The following ITGBL1 variants were observed in gnomAD, a reference collection of about 807,000 sequenced individuals.
The protein encoded by ITGBL1 is integrin beta-like protein 1.
Under a neutral mutation model 68.5 loss-of-function variants are expected in ITGBL1, and 51 were observed. The ratio of observed to expected loss-of-function variants is 0.74; its 90% CI spans 0.59 to 0.94. The LOEUF is 0.94. Among genes scored for constraint, ITGBL1 ranks in the 40% least tolerant of loss-of-function variants. ITGBL1 has a pLI of 0.00. For synonymous variants in ITGBL1, 209 were observed against 227.3 expected (o/e 0.92, Z 0.72); for missense variants, 649 against 647.4 (o/e 1.00, Z -0.03).
At chr13:101,679,464 G>A (rs1269728165) in intron 7 of ITGBL1, among the ~76,000 whole-genome samples, 3 of 152,160 alleles carry the variant, frequency 2.0e-5, no homozygotes, top group African/African-American at 4.8e-5. Context: ...GGCACTGCCT[G>A]ATGACCAATC....
At chr13:101,565,660 A>C (rs12585519) in intron 2 of ITGBL1, among the ~76,000 whole-genome samples, 16,920 of 152,158 alleles carry the variant, frequency 0.11, 1,605 homozygotes, top group African/African-American at 0.26. Flanking sequence ...AAGCTAAAAA[A>C]ATTAAAAATA....
intron 7 of ITGBL1, among the ~76,000 whole-genome samples, chr13:101,633,826 G>A (rs530894701): frequency 6.6e-6 from 1 of 152,166 alleles, no homozygotes; most frequent in East Asian, 1.9e-4. Context: ...TCAGGTATTG[G>A]GATAGGCTGA....
chr13:101,608,322 A>C (rs115626454), intron 7 of ITGBL1, among the ~76,000 whole-genome samples: 8 of 150,240 alleles, frequency 5.3e-5, no homozygotes, highest in African/African-American at 2.0e-4. Flanking sequence ...CCCATCTTTA[A>C]TTTCCTGTTT....
chr13:101,591,271 G>A (rs1294960129), intron 6 of ITGBL1, among the ~76,000 whole-genome samples: 1 of 152,162 alleles, frequency 6.6e-6, no homozygotes, highest in African/African-American at 2.4e-5. Context: ...AAATATAATT[G>A]TTAATAAGCA....
chr13:101,651,106 A>C (rs2032736515), intron 7 of ITGBL1, among the ~76,000 whole-genome samples: 1 of 152,188 alleles, frequency 6.6e-6, no homozygotes, highest in Non-Finnish European at 1.5e-5. Flanking sequence ...TACAGTGAAC[A>C]TATCCATGCA....
chr13:101,459,248 C>T (rs377398533), intron 2 of ITGBL1, among the ~76,000 whole-genome samples: 9 of 152,118 alleles, frequency 5.9e-5, no homozygotes, highest in Admixed American at 1.3e-4. Flanking sequence ...GAATTGTTAA[C>T]GTGGGTTAAC....
chr13:101,532,050 AT>A (rs1250748410), intron 2 of ITGBL1, among the ~76,000 whole-genome samples: 4 of 151,996 alleles, frequency 2.6e-5, no homozygotes. Context: ...ATACTTTTTA[AT>A]TTACTCTCCA....
intron 2 of ITGBL1, among the ~76,000 whole-genome samples, chr13:101,462,373 G>T (rs1444490703): frequency 6.6e-6 from 1 of 152,130 alleles, no homozygotes. Flanking sequence ...AGGAGCAAGG[G>T]TATGGCTATC....
chr13:101,707,558 G>A (rs907488355), intron 9 of ITGBL1, among the ~76,000 whole-genome samples: 16 of 152,220 alleles, frequency 1.1e-4, no homozygotes, highest in East Asian at 1.9e-4. Context: ...GTAATTGTTC[G>A]GTTGGGCACC....
At chr13:101,596,459 T>C (rs2029974881) in intron 6 of ITGBL1, among the ~76,000 whole-genome samples, 1 of 114,574 alleles carries the variant, frequency 8.7e-6, no homozygotes, top group Non-Finnish European at 1.8e-5. Flanking sequence ...CAAAGTTAAC[T>C]GTGTGAGGTG....
At chr13:101,464,491 A>G (rs927386083) in intron 2 of ITGBL1, among the ~76,000 whole-genome samples, 4 of 151,916 alleles carry the variant, frequency 2.6e-5, no homozygotes, top group Admixed American at 6.6e-5. Flanking sequence ...TATTATGTAT[A>G]TGTATACATA....
At position 101,715,551 on chromosome 13, in the gene ITGBL1, A is replaced by G. The variant is rs758498453; in HGVS notation, c.1394-12A>G. 1 of 1,588,312 alleles carries G rather than the reference A, an allele frequency of 6.3e-7. No individual in the cohort carries two copies. The highest frequency in any genetic ancestry group is 8.6e-7 in the Non-Finnish European group (1 of 1,156,614). On this transcript the variant is annotated splice_polypyrimidine_tract_variant and intron_variant, in intron 10 of 10. Coordinates refer to ENST00000376180, the MANE Select transcript of ITGBL1 (RefSeq NM_004791.3). Reference sequence around the variant, plus strand: ...GATCATAATCATGATACCTATATGTATTTTATTGCAGGGAATGGAATATGT... The same window carrying G: ...GATCATAATCATGATACCTATATGTGTTTTATTGCAGGGAATGGAATATGT...
At chr13:101,669,853 A>G (rs1387426219) in intron 7 of ITGBL1, among the ~76,000 whole-genome samples, 1 of 152,146 alleles carries the variant, frequency 6.6e-6, no homozygotes, top group African/African-American at 2.4e-5. Flanking sequence ...CAGAAGTTCA[A>G]CTTTTCATTG....
At chr13:101,537,165 T>G (rs1232985110) in intron 2 of ITGBL1, among the ~76,000 whole-genome samples, 1 of 152,018 alleles carries the variant, frequency 6.6e-6, no homozygotes, top group Middle Eastern at 3.2e-3. Flanking sequence ...ATTCATCATA[T>G]TCTAATCAAC....
chr13:101,585,383 A>G (rs1032361046), intron 6 of ITGBL1, among the ~76,000 whole-genome samples: 1 of 152,194 alleles, frequency 6.6e-6, no homozygotes, highest in Non-Finnish European at 1.5e-5. Flanking sequence ...TTGTAAGCAT[A>G]GAGTTGGTGG....
intron 2 of ITGBL1, among the ~76,000 whole-genome samples, chr13:101,493,151 C>T (rs1403356427): frequency 6.6e-6 from 1 of 152,048 alleles, no homozygotes; most frequent in African/African-American, 2.4e-5. Context: ...ACTCAAGGAG[C>T]TGATATTTAG....
At chr13:101,544,333 G>A (rs932998554) in intron 2 of ITGBL1, among the ~76,000 whole-genome samples, 10 of 152,214 alleles carry the variant, frequency 6.6e-5, no homozygotes, top group East Asian at 1.9e-4. Context: ...GACCCTGTTT[G>A]CCTGGGTATC....
chr13:101,504,521 A>G (rs1300382615), intron 2 of ITGBL1, among the ~76,000 whole-genome samples: 1 of 152,200 alleles, frequency 6.6e-6, no homozygotes, highest in African/African-American at 2.4e-5. Flanking sequence ...ATATCAAATT[A>G]TTCATCAAGA....
At chr13:101,570,045 A>G (rs182227395) in intron 3 of ITGBL1, among the ~76,000 whole-genome samples, 1 of 152,270 alleles carries the variant, frequency 6.6e-6, no homozygotes, top group Non-Finnish European at 1.5e-5. Flanking sequence ...ATGATGATTT[A>G]TGAACTGTAA....
Sources: gnomAD v4.1 joint callset for allele counts (sites outside exome capture counted in the v4.1 genomes callset) on GRCh38, gnomAD v4.1.1 for gene constraint, MANE v1.5 for transcripts, NCBI Gene and HGNC (gene_info 2026-07-23, HGNC 2026-07-21) for gene names.